CASK: variants seen among roughly 807,000 people sequenced by gnomAD.
CASK encodes calcium/calmodulin dependent serine protein kinase, also known as peripheral plasma membrane protein CASK.
A neutral mutation model predicts 82.9 loss-of-function variants in CASK; 4 were observed. The ratio of observed to expected loss-of-function variants is 0.05; its 90% CI spans 0.02 to 0.11. CASK has a LOEUF of 0.11. Among genes scored for constraint, CASK ranks in the 10% least tolerant of loss-of-function variants. CASK has a pLI of 1.00. For synonymous variants in CASK, 259 were observed against 253.5 expected (o/e 1.02, Z -0.20); for missense variants, 358 against 720.9 (o/e 0.50, Z 5.76).
intron 2 of CASK, among the ~76,000 whole-genome samples, chrX:41,851,364 ATATAT>A (rs1453590190): frequency 2.7e-5 from 3 of 111,821 alleles, no homozygotes; most frequent in African/African-American, 9.7e-5. Flanking sequence ...ACAGACTCCC[ATATAT>A]TATATTAAAT....
chrX:41,622,880 A>AT lies in CASK; in HGVS notation c.1016-247dup, dbSNP rs970144546. Among the ~76,000 whole-genome samples the AT allele has an allele frequency of 0.012, 1,147 of 96,828 alleles. 13 individuals carry two copies. The highest frequency in any genetic ancestry group is 0.02 in the African/African-American group (539 of 26,704). The allele number at this position is 96,828 out of a possible 115,157, so 84.1% of individuals were successfully genotyped here. The stretch of plus-strand genomic sequence containing the variant: ...ATGAGAAAAGAATATTTCAACATTG[A>AT]TTTTTTTTTTTTTTTTTTGAGATGG... On this transcript the variant is annotated intron_variant, in intron 10 of 26. Transcript: ENST00000378163.
chrX:41,844,862 T>C (rs1286001469), intron 2 of CASK, among the ~76,000 whole-genome samples: 1 of 111,920 alleles, frequency 8.9e-6, no homozygotes. Flanking sequence ...TTTTGCTGCA[T>C]CTCATAAATA....
intron 5 of CASK, chrX:41,728,674 G>A (rs1022648001): frequency 2.4e-5 from 3 of 123,068 alleles, no homozygotes; most frequent in Non-Finnish European, 5.6e-5. Context: ...AGCCCGGGAC[G>A]GAGGTTGCAG....
chrX:41,618,410 C>T (rs1262573353), intron 11 of CASK, among the ~76,000 whole-genome samples: 1 of 111,057 alleles, frequency 9.0e-6, no homozygotes, highest in Non-Finnish European at 1.9e-5. Flanking sequence ...AGCAATCCTT[C>T]CACCTCAGCC....
chrX:41,639,297 C>T (rs1244885631), intron 8 of CASK, among the ~76,000 whole-genome samples: 2 of 110,062 alleles, frequency 1.8e-5, no homozygotes, highest in African/African-American at 6.6e-5. Context: ...TGGTCTTGAT[C>T]TCTTGGCCTC....
intron 5 of CASK, among the ~76,000 whole-genome samples, chrX:41,709,417 G>A (rs1456603290): frequency 9.0e-6 from 1 of 111,665 alleles, no homozygotes; most frequent in Non-Finnish European, 1.9e-5. Context: ...TTGGTCATTG[G>A]GGATAGCTGG....
chrX:41,589,454 G>T, intron 13 of CASK, 61 bp downstream of exon 13: 1 of 783,996 alleles, frequency 1.3e-6, no homozygotes, highest in Non-Finnish European at 2.0e-6. Flanking sequence ...CAACAGAAAT[G>T]TCTTCAATAA....
chrX:41,830,480 C>T (rs776017925), intron 2 of CASK, among the ~76,000 whole-genome samples: 8 of 111,097 alleles, frequency 7.2e-5, no homozygotes, highest in Admixed American at 1.9e-4. Flanking sequence ...GTACAACAAG[C>T]GTGTACAATA....
chrX:41,704,746 A>T (rs1200891150), intron 5 of CASK, among the ~76,000 whole-genome samples: 3 of 111,986 alleles, frequency 2.7e-5, no homozygotes, highest in Non-Finnish European at 5.6e-5. Flanking sequence ...TAAATAACAA[A>T]CTGAGAGGCA....
At chrX:41,806,717 A>G (rs1156317506) in intron 2 of CASK, among the ~76,000 whole-genome samples, 4 of 112,376 alleles carry the variant, frequency 3.6e-5, no homozygotes, top group African/African-American at 1.3e-4. Flanking sequence ...ACGACTTAAT[A>G]AAACAAGAAG....
rs146307850 is a variant in CASK, at chrX:41,594,864, G to A, written c.1156-5272C>T. 5.4e-3 allele frequency among the ~76,000 whole-genome samples: 607 copies of A among 111,755 alleles called. 5 individuals are homozygous for A. The highest frequency in any genetic ancestry group is 0.019 in the African/African-American group (571 of 30,727). On this transcript the variant is annotated intron_variant, in intron 12 of 26. Coordinates refer to ENST00000378163, the MANE Select transcript of CASK (RefSeq NM_001367721.1). ...GCAACTCAGGACAGAGCCAACACTG[G>A]GGTGTCTGCCACACCAAGGGCATCA...
At chrX:41,837,164 AAAATAATTGTACATT>A (rs1417547704) in intron 2 of CASK, among the ~76,000 whole-genome samples, 1 of 112,288 alleles carries the variant, frequency 8.9e-6, no homozygotes, top group Non-Finnish European at 1.9e-5. Context: ...TTAAAATTTT[AAAATAATTGTACATT>A]AACAGAAAGT....
At chrX:41,826,617 C>G (rs1477893952) in intron 2 of CASK, among the ~76,000 whole-genome samples, 1 of 110,652 alleles carries the variant, frequency 9.0e-6, no homozygotes, top group African/African-American at 3.3e-5. Flanking sequence ...GACTACAGGT[C>G]CATGCCACCA....
intron 2 of CASK, among the ~76,000 whole-genome samples, chrX:41,804,146 G>A (rs1197199384): frequency 1.8e-5 from 2 of 111,224 alleles, no homozygotes; most frequent in South Asian, 3.8e-4. Flanking sequence ...TCAGGAGTAC[G>A]AGACCAGCCT....
At chrX:41,752,061 A>G (rs752515943) in intron 3 of CASK, among the ~76,000 whole-genome samples, 1 of 107,140 alleles carries the variant, frequency 9.3e-6, no homozygotes, top group Non-Finnish European at 1.9e-5. Flanking sequence ...ACCAAAAAAA[A>G]AAACACAAAA....
chrX:41,849,844 G>A (rs867553592), intron 2 of CASK, among the ~76,000 whole-genome samples: 4 of 77,884 alleles, frequency 5.1e-5, no homozygotes, highest in Non-Finnish European at 1.2e-4. Context: ...ATATTAAAAC[G>A]TACAGGTGGT....
intron 2 of CASK, among the ~76,000 whole-genome samples, chrX:41,827,678 T>C (rs979143068): frequency 6.2e-5 from 7 of 112,039 alleles, no homozygotes; most frequent in South Asian, 7.5e-4. Flanking sequence ...GACTAATGAG[T>C]AGAAAATTTA....
At chrX:41,631,714 G>A (rs1158442679) in intron 9 of CASK, among the ~76,000 whole-genome samples, 6 of 109,701 alleles carry the variant, frequency 5.5e-5, no homozygotes, top group African/African-American at 1.7e-4. Flanking sequence ...CAGGTGATCC[G>A]CCCGCCTCAG....
At chrX:41,680,684 C>T (rs1201499749) in intron 5 of CASK, among the ~76,000 whole-genome samples, 1 of 109,578 alleles carries the variant, frequency 9.1e-6, no homozygotes, top group East Asian at 2.9e-4. Context: ...TTTGGAAGGC[C>T]GAGGCGGGAG....
Sources: gnomAD v4.1 joint callset for allele counts (sites outside exome capture counted in the v4.1 genomes callset) on GRCh38, gnomAD v4.1.1 for gene constraint, MANE v1.5 for transcripts, NCBI Gene and HGNC (gene_info 2026-07-23, HGNC 2026-07-21) for gene names.